The following ANO1 variants were observed in gnomAD, a reference collection of about 807,000 sequenced individuals.
The protein encoded by ANO1 is anoctamin 1, also known as anoctamin-1.
ANO1 carries 59 observed loss-of-function variants against 124.0 expected under a neutral mutation model. The observed-to-expected ratio is 0.48, with a 90% CI of 0.39 to 0.59. ANO1 has a LOEUF of 0.59. ANO1 is among the 20% of genes least tolerant of loss of function. The pLI is 0.00. For synonymous variants in ANO1, 529 were observed against 532.0 expected, an observed-to-expected ratio of 0.99 and a Z score of 0.08; for missense variants, 1,059 against 1,328.0, an observed-to-expected ratio of 0.80 and a Z score of 3.15.
rs376155525 is a variant in ANO1 at position 70,038,458 on chromosome 11, C to T, written c.59-40084C>T. 3.4e-3 allele frequency among the ~76,000 whole-genome samples: 520 copies of T among 152,272 alleles called. 4 individuals carry two copies. The highest frequency in any genetic ancestry group is 0.012 in the African/African-American group (486 of 41,562). Reference sequence around the variant, plus strand: ...TCTCCTTTGTTCGGGTGTGCTCTCACGGCAAGACTGCTAGTGAGCAGCACC... The same window carrying T: ...TCTCCTTTGTTCGGGTGTGCTCTCATGGCAAGACTGCTAGTGAGCAGCACC... On this transcript the variant is annotated intron_variant, in intron 1 of 27. Coordinates refer to the ANO1 transcript ENST00000531349.
chr11:70,093,503 C>T (rs556661162), intron 2 of ANO1, among the ~76,000 whole-genome samples: 6 of 152,314 alleles, frequency 3.9e-5, no homozygotes, highest in Non-Finnish European at 5.9e-5. Flanking sequence ...TTGCGGAGAA[C>T]GCCACACACT....
At chr11:69,966,036 C>G in the ANO1 span, among the ~76,000 whole-genome samples, 1 of 152,162 alleles carries the variant, frequency 6.6e-6, no homozygotes, top group Admixed American at 6.5e-5. Context: ...AGATATACAG[C>G]TCCTCAGGGC....
At chr11:70,177,504 C>G (rs559033285) in intron 22 of ANO1, among the ~76,000 whole-genome samples, 1 of 152,026 alleles carries the variant, frequency 6.6e-6, no homozygotes, top group Non-Finnish European at 1.5e-5. Context: ...GGGGCGCCCC[C>G]GGGCACCACA....
intron 20 of ANO1, 30 bp downstream of exon 20, chr11:70,165,600 AG>A: frequency 6.3e-7 from 1 of 1,583,486 alleles, no homozygotes. Flanking sequence ...TTAGAGCGGC[AG>A]GGGCGGGGCC....
chr11:70,142,380 T>G (rs1175440692), intron 11 of ANO1, among the ~76,000 whole-genome samples: 2 of 152,156 alleles, frequency 1.3e-5, no homozygotes, highest in Non-Finnish European at 2.9e-5. Flanking sequence ...ACGAAGGGGA[T>G]GCACTGTGAT....
intron 1 of ANO1, among the ~76,000 whole-genome samples, chr11:70,082,121 G>T (rs546426275): frequency 6.6e-6 from 1 of 152,336 alleles, no homozygotes; most frequent in South Asian, 2.1e-4. Flanking sequence ...TTGCTGGCCT[G>T]CCTGGGTCTC....
At chr11:70,122,189 T>C (rs11234822) in intron 8 of ANO1, among the ~76,000 whole-genome samples, 64,880 of 67,526 alleles carry the variant, frequency 0.96, 31,287 homozygotes, top group East Asian at 1. Context: ...CTGTCTGTCT[T>C]TCTGTCTCTC....
intron 16 of ANO1, among the ~76,000 whole-genome samples, chr11:70,158,843 C>CACCT (rs1369949991): frequency 2.9e-5 from 2 of 67,976 alleles, no homozygotes; most frequent in East Asian, 6.2e-4. Context: ...GGGACCCCCT[C>CACCT]GGTGGGGGCT....
intron 11 of ANO1, among the ~76,000 whole-genome samples, chr11:70,141,862 G>A (rs1398856618): frequency 6.6e-6 from 1 of 152,094 alleles, no homozygotes; most frequent in African/African-American, 2.4e-5. Context: ...TCCTACAATG[G>A]CAAAGAGACA....
At chr11:70,088,733 G>A (rs190621765) in intron 2 of ANO1, among the ~76,000 whole-genome samples, 8 of 152,226 alleles carry the variant, frequency 5.3e-5, no homozygotes, top group Admixed American at 2.0e-4. Flanking sequence ...TTTGCCAATC[G>A]GGGGAGGGAG....
intron 8 of ANO1, among the ~76,000 whole-genome samples, chr11:70,118,612 G>GGATA (rs2046094498): frequency 7.6e-6 from 1 of 132,266 alleles, no homozygotes; most frequent in Admixed American, 7.8e-5. Flanking sequence ...ATGGATGGAT[G>GGATA]GATAGATTAT....
chr11:70,011,716 G>A (rs1253181416), intron 1 of ANO1, among the ~76,000 whole-genome samples: 4 of 152,186 alleles, frequency 2.6e-5, no homozygotes, highest in African/African-American at 9.7e-5. Flanking sequence ...ATGAAAGCTT[G>A]GAAGTGTATT....
chr11:70,150,841 G>A (rs2047575558), intron 12 of ANO1, among the ~76,000 whole-genome samples: 1 of 151,698 alleles, frequency 6.6e-6, no homozygotes, highest in African/African-American at 2.4e-5. Flanking sequence ...TTCTTTTAAA[G>A]GCCTTTTTTC....
At chr11:70,074,631 G>A (rs1555009781), upstream of ANO1, among the ~76,000 whole-genome samples, 2 of 152,218 alleles carry the variant, frequency 1.3e-5, no homozygotes, top group Non-Finnish European at 2.9e-5. Context: ...GCAGGTGAGG[G>A]CTGCTGAGAA....
chr11:70,107,487 A>AGGTGGGGGGGGG (rs1308856596), intron 5 of ANO1, among the ~76,000 whole-genome samples: 1 of 39,898 alleles, frequency 2.5e-5, no homozygotes, highest in Admixed American at 2.0e-4. Context: ...GGTCCAGTGG[A>AGGTGGGGGGGGG]GGCGGCGGGG....
intron 1 of ANO1, among the ~76,000 whole-genome samples, chr11:69,999,939 A>C (rs1856349824): frequency 6.6e-6 from 1 of 152,138 alleles, no homozygotes; most frequent in Non-Finnish European, 1.5e-5. Context: ...GAAAAAGGGA[A>C]GGGAGGCCCC....
intron 8 of ANO1, among the ~76,000 whole-genome samples, chr11:70,120,582 A>G (rs1665644438): frequency 6.6e-6 from 1 of 152,116 alleles, no homozygotes; most frequent in Non-Finnish European, 1.5e-5. Context: ...CCATTCATCC[A>G]TTCATTCAAC....
chr11:70,096,533 T>C (rs1362777360), intron 2 of ANO1, among the ~76,000 whole-genome samples: 2 of 152,142 alleles, frequency 1.3e-5, no homozygotes, highest in African/African-American at 4.8e-5. Context: ...GATTGTGTGC[T>C]CCTTGTGAGA....
intron 12 of ANO1, among the ~76,000 whole-genome samples, chr11:70,151,913 GAAAGGCCACAGCTAC>G (rs1472263509): frequency 6.6e-6 from 1 of 152,086 alleles, no homozygotes; most frequent in African/African-American, 2.4e-5. Flanking sequence ...AAAACCATGG[GAAAGGCCACAGCTAC>G]AAAGGCCACA....
Sources: gnomAD v4.1 joint callset for allele counts (sites outside exome capture counted in the v4.1 genomes callset) on GRCh38, gnomAD v4.1.1 for gene constraint, MANE v1.5 for transcripts, NCBI Gene and HGNC (gene_info 2026-07-23, HGNC 2026-07-21) for gene names.